DGKD: variants seen among roughly 807,000 people sequenced by gnomAD.
The protein encoded by DGKD is DAG kinase delta.
A neutral mutation model predicts 154.4 loss-of-function variants in DGKD; 68 were observed. The observed-to-expected ratio is 0.44, with a 90% CI of 0.36 to 0.54. The LOEUF (loss-of-function observed/expected upper bound fraction) is 0.54, where lower values mean the gene tolerates loss of function less well. Among genes scored for constraint, DGKD ranks in the 20% least tolerant of loss-of-function variants. DGKD has a pLI of 0.00. For synonymous variants in DGKD, 693 were observed against 638.0 expected, an observed-to-expected ratio of 1.09 and a Z score of -1.30; for missense variants, 1,343 against 1,593.6, an observed-to-expected ratio of 0.84 and a Z score of 2.68.
In DGKD at chr2:233,435,899, A is replaced by G. The variant is rs553366774; in HGVS notation, c.668A>G (p.Lys223Arg). 8 of 1,611,342 alleles carry G rather than the reference A, an allele frequency of 5.0e-6. No homozygotes were observed. Among genetic ancestry groups the G allele is most frequent in the Admixed American group, 1.7e-5 (1 of 59,170 alleles). The change falls in exon 6 of 30, where the codon AAG (lysine) becomes AGG (arginine). Residue 223 changes from lysine to arginine, a missense_variant. Coordinates refer to ENST00000264057, the MANE Select transcript of DGKD (RefSeq NM_152879.3). ...CKWTTLASIGKDIIEDADGIA... is the reference protein window; with the variant it reads ...CKWTTLASIGRDIIEDADGIA... ...TGGACCACACTGGCCTCGATCGGGAAGGACATCATTGAAGATGCAGATGGG... is the reference window on the plus strand; with the variant it reads ...TGGACCACACTGGCCTCGATCGGGAGGGACATCATTGAAGATGCAGATGGG...
chr2:233,373,283 A>G (rs1156897329), intron 1 of DGKD, among the ~76,000 whole-genome samples: 12 of 152,248 alleles, frequency 7.9e-5, no homozygotes, highest in Admixed American at 7.8e-4. Context: ...CACTGGAAAT[A>G]AGATGGAATA....
intron 1 of DGKD, among the ~76,000 whole-genome samples, chr2:233,381,248 C>T (rs2125419543): frequency 6.6e-6 from 1 of 152,288 alleles, no homozygotes; most frequent in East Asian, 1.9e-4. Context: ...TCAGCTTCTG[C>T]CAGGATGCGG....
chr2:233,393,756 T>C, intron 3 of DGKD, among the ~76,000 whole-genome samples: 1 of 150,454 alleles, frequency 6.6e-6, no homozygotes, highest in East Asian at 2.0e-4. Flanking sequence ...TGGTCTCGGC[T>C]CTCTGCAGCC....
chr2:233,450,219 A>C, intron 16 of DGKD, 88 bp downstream of exon 16: 1 of 1,438,214 alleles, frequency 7.0e-7, no homozygotes. Flanking sequence ...GTTTTAGGGC[A>C]CTTTCTCATA....
At chr2:233,414,284 G>T (rs961516866) in intron 3 of DGKD, among the ~76,000 whole-genome samples, 2 of 152,206 alleles carry the variant, frequency 1.3e-5, no homozygotes, top group Admixed American at 6.5e-5. Flanking sequence ...CTTATCCTTT[G>T]CATCCTAAGG....
At chr2:233,395,013 C>A (rs1407735011) in intron 3 of DGKD, among the ~76,000 whole-genome samples, 1 of 151,964 alleles carries the variant, frequency 6.6e-6, no homozygotes, top group Non-Finnish European at 1.5e-5. Flanking sequence ...AGATTTAATT[C>A]TTGTAAACAG....
At position 233,459,549 on chromosome 2, in the gene DGKD, C is replaced by T. The variant is rs540116615; in HGVS notation, c.2695-208C>T. Reference sequence around the variant, plus strand: ...AGTGAGGGGATGGGGCGGGATGGGGCGGGACAGTGGGAGAACAGACCCTCG... The same window carrying T: ...AGTGAGGGGATGGGGCGGGATGGGGTGGGACAGTGGGAGAACAGACCCTCG... On this transcript the variant is annotated intron_variant, in intron 22 of 29. Coordinates refer to ENST00000264057, the MANE Select transcript of DGKD (RefSeq NM_152879.3). The surrounding 1 kb of genome is among the most constrained non-coding windows in gnomAD (Gnocchi z 5.7). 2.1e-5 allele frequency among the ~76,000 whole-genome samples: 3 copies of T among 140,570 alleles called. No individual in the cohort carries two copies. The highest frequency in any genetic ancestry group is 3.5e-3 in the Middle Eastern group (1 of 286). The allele number at this position is 140,570 out of a possible 152,430, so 92.2% of individuals were successfully genotyped here.
In DGKD at chr2:233,414,979, C is replaced by T. The variant is rs570898840; in HGVS notation, c.349-19401C>T. ...TGTGTGTGTGGGTATTTTTTAGAGA[C>T]GGGGTCTTGCTGTGTTGCCTGGGCC... On this transcript the variant is annotated intron_variant, in intron 3 of 29. Transcript: ENST00000264057. Among the ~76,000 whole-genome samples the T allele has an allele frequency of 6.6e-4, 100 of 152,210 alleles. 1 individual carries two copies. Among genetic ancestry groups the T allele is most frequent in the African/African-American group, 2.4e-3 (98 of 41,526 alleles).
Position 233,459,697 on chromosome 2 carries a change from C to A in DGKD, c.2695-60C>A. 1 of 1,579,128 alleles carries A rather than the reference C, an allele frequency of 6.3e-7. No homozygotes were observed. Among genetic ancestry groups the A allele is most frequent in the Non-Finnish European group, 8.6e-7 (1 of 1,160,416 alleles). On this transcript the variant is annotated intron_variant, in intron 22 of 29. Transcript: ENST00000264057. This position sits in a 1 kb window ranked among gnomAD's most constrained non-coding sequence, Gnocchi z 5.7. ...AGGAAGGTCATGGTGGTGCTGATAG[C>A]ACTTTTAAACCCCTGGGGGTTTTGG...
chr2:233,387,170 G>A (rs900411151), intron 1 of DGKD, among the ~76,000 whole-genome samples: 3 of 152,232 alleles, frequency 2.0e-5, no homozygotes, highest in African/African-American at 7.2e-5. Flanking sequence ...ATCTTAGGGA[G>A]TTTTAAGTGT....
At chr2:233,428,732 TGCTTCTA>T (rs2062400428) in intron 3 of DGKD, among the ~76,000 whole-genome samples, 1 of 152,202 alleles carries the variant, frequency 6.6e-6, no homozygotes, top group Admixed American at 6.5e-5. Context: ...CCCTGCAGGT[TGCTTCTA>T]GCATCACTTT....
At position 233,466,895 on chromosome 2, in the gene DGKD, T is replaced by G. The variant is rs115825914; in HGVS notation, c.3307-191T>G. ...ACACTATGATCACTTTGAAACCACT[T>G]TAACACTCACTAAAATCAACACTAA... On this transcript the variant is annotated intron_variant, in intron 27 of 29. Coordinates refer to ENST00000264057, the MANE Select transcript of DGKD (RefSeq NM_152879.3). Among the ~76,000 whole-genome samples, 1,047 of 152,338 alleles carry G rather than the reference T, an allele frequency of 6.9e-3. 2 individuals are homozygous for G. Among genetic ancestry groups the G allele is most frequent in the Middle Eastern group, 0.017 (5 of 294 alleles).
Position 233,354,719 on chromosome 2 carries a change from C to G in DGKD, c.156+45C>G, listed in dbSNP as rs1008217329. Reference sequence around the variant, plus strand: ...GCCCGGGCGCGCGCCCCTCACGCCGCGGCAGCCCCGGCCGAGGCCCGTGGC... The same window carrying G: ...GCCCGGGCGCGCGCCCCTCACGCCGGGGCAGCCCCGGCCGAGGCCCGTGGC... On this transcript the variant is annotated intron_variant, in intron 1 of 29. Coordinates refer to ENST00000264057, the MANE Select transcript of DGKD (RefSeq NM_152879.3). This position sits in a 1 kb window ranked among gnomAD's most constrained non-coding sequence, Gnocchi z 4.8. The G allele has an allele frequency of 4.2e-5, 41 of 973,244 alleles. No individual in the cohort carries two copies. The highest frequency in any genetic ancestry group is 4.7e-5 in the Non-Finnish European group (39 of 821,982). 60.3% of individuals were successfully genotyped at this position (973,244 alleles called of 1,614,324 possible).
At chr2:233,424,655 A>T (rs1309430351) in intron 3 of DGKD, among the ~76,000 whole-genome samples, 1 of 152,148 alleles carries the variant, frequency 6.6e-6, no homozygotes, top group Non-Finnish European at 1.5e-5. Context: ...TGCGGGATGG[A>T]GGTCCAGGGC....
chr2:233,421,389 A>G (rs1168988195), intron 3 of DGKD, among the ~76,000 whole-genome samples: 4 of 152,184 alleles, frequency 2.6e-5, no homozygotes, highest in Non-Finnish European at 5.9e-5. Flanking sequence ...GTTACTGAGG[A>G]GCCTCCCAAA....
In DGKD at chr2:233,363,241, G is replaced by A. The variant is rs191722543; in HGVS notation, c.156+8567G>A. Reference sequence around the variant, plus strand: ...TTCCAGTGGGATAGGATGTGGAGGCGGAAGATAATGATACTGATGATCCTG... The same window carrying A: ...TTCCAGTGGGATAGGATGTGGAGGCAGAAGATAATGATACTGATGATCCTG... On this transcript the variant is annotated intron_variant, in intron 1 of 29. Coordinates refer to ENST00000264057, the MANE Select transcript of DGKD (RefSeq NM_152879.3). Among the ~76,000 whole-genome samples the A allele has an allele frequency of 1.3e-3, 199 of 152,182 alleles. 1 individual carries two copies. The highest frequency in any genetic ancestry group is 1.9e-3 in the Non-Finnish European group (131 of 68,012).
rs540750583 is a variant in DGKD at position 233,471,292 on chromosome 2, G to A, written c.*1832G>A. ...ACTGGAAGTGATGTGGGTGGAAGGTGGTTGTATGTTACCTTTTCCACCTCT... is the reference window on the plus strand; with the variant it reads ...ACTGGAAGTGATGTGGGTGGAAGGTAGTTGTATGTTACCTTTTCCACCTCT... On this transcript the variant is annotated 3_prime_UTR_variant, in exon 30 of 30. Transcript: ENST00000264057. 6.6e-6 allele frequency: 1 copy of A among 152,522 alleles called. No individual in the cohort carries two copies. The highest frequency in any genetic ancestry group is 1.5e-5 in the Non-Finnish European group (1 of 68,040). The allele number at this position is 152,522 out of a possible 1,614,324, so 9.4% of individuals were successfully genotyped here.
rs779504822 is a variant in DGKD, at chr2:233,464,275, G to A, written c.3298G>A (p.Asp1100Asn). The A allele has an allele frequency of 9.9e-6, 16 of 1,613,498 alleles. No individual in the cohort carries two copies. In the African/African-American group the frequency reaches 1.2e-4, roughly 12 times the overall value. The part of the protein sequence containing the change: ...PWLCQSAEPG[D>N]EESVMLDLAK... ...GCTCTGCCAGTCCGCAGAGCCCGGC[G>A]ACGAAGAGGTATGTGGCTCATAGGG... The change falls in exon 27 of 30, where the codon GAC (aspartate) becomes AAC (asparagine). Residue 1100 changes from aspartate to asparagine, a missense_variant. By Grantham distance (23) the Asp-to-Asn change is conservative. Around this residue, in one of 6 missense-constraint regions of DGKD, gnomAD observed 429 missense variants for 496.3 expected, o/e 0.86. Transcript: ENST00000264057.
rs78763711 is a variant in DGKD, at chr2:233,409,507, G to T, written c.348+19024G>T. Among the ~76,000 whole-genome samples the T allele has an allele frequency of 2.5e-3, 369 of 145,080 alleles. 12 individuals carry two copies. In the East Asian group the frequency reaches 0.06, roughly 24 times the overall value. On this transcript the variant is annotated intron_variant, in intron 3 of 29. Coordinates refer to ENST00000264057, the MANE Select transcript of DGKD (RefSeq NM_152879.3). ...GATTGAGCCAAGTTCCGTCTGTCTG[G>T]TTTTTTTTTTTCCTTGAAAGTTACA...
Sources: allele counts gnomAD v4.1 joint callset (sites outside exome capture counted in the v4.1 genomes callset), GRCh38; gene constraint gnomAD v4.1.1; regional missense constraint gnomAD v4.1.1; non-coding constraint Gnocchi (gnomAD v3.1); transcripts MANE v1.5; gene names NCBI Gene and HGNC (gene_info 2026-07-23, HGNC 2026-07-21).